The following GLIS3 variants were observed in gnomAD, a reference collection of about 807,000 sequenced individuals.
The protein encoded by GLIS3 is zinc finger protein GLIS3.
GLIS3 carries 53 observed loss-of-function variants against 78.6 expected under a neutral mutation model. The ratio of observed to expected loss-of-function variants is 0.67; its 90% CI spans 0.54 to 0.85. The LOEUF is 0.85. Among genes scored for constraint, GLIS3 ranks in the 40% least tolerant of loss-of-function variants. The pLI, the probability that GLIS3 is intolerant of heterozygous loss-of-function variation, is 0.00. For missense variants in GLIS3, 1,703 were observed against 1,231.1 expected (o/e 1.38, Z -5.74); for synonymous variants, 684 against 509.9 (o/e 1.34, Z -4.60).
chr9:4,042,030 T>A (rs1824854366), intron 4 of GLIS3, among the ~76,000 whole-genome samples: 1 of 152,208 alleles, frequency 6.6e-6, no homozygotes, highest in South Asian at 2.1e-4. Flanking sequence ...TGACAGAACC[T>A]CTCAAGAGAG....
At chr9:4,043,962 G>A (rs375035073) in intron 4 of GLIS3, among the ~76,000 whole-genome samples, 53 of 152,220 alleles carry the variant, frequency 3.5e-4, no homozygotes, top group African/African-American at 1.1e-3. Flanking sequence ...ACCCACAGCC[G>A]GCTGTTGTCA....
intron 6 of GLIS3, among the ~76,000 whole-genome samples, chr9:3,909,490 C>T (rs909470847): frequency 6.6e-6 from 1 of 152,168 alleles, no homozygotes; most frequent in African/African-American, 2.4e-5. Flanking sequence ...TGGAAGGAAT[C>T]TCTTTGGGAA....
At chr9:4,423,334 G>A in the GLIS3 span, among the ~76,000 whole-genome samples, 2 of 152,120 alleles carry the variant, frequency 1.3e-5, no homozygotes, top group Non-Finnish European at 2.9e-5. Flanking sequence ...TTCCCTCTGA[G>A]TTGCATCTTA....
intron 9 of GLIS3, among the ~76,000 whole-genome samples, chr9:3,838,456 G>T (rs1047897752): frequency 6.6e-6 from 1 of 152,062 alleles, no homozygotes; most frequent in African/African-American, 2.4e-5. Flanking sequence ...AAAGTCAGAG[G>T]GTAGAATAAA....
chr9:4,228,104 G>C (rs1423766713), intron 2 of GLIS3, among the ~76,000 whole-genome samples: 3 of 149,618 alleles, frequency 2.0e-5, no homozygotes, highest in Non-Finnish European at 3.0e-5. Context: ...GTTATCAAGT[G>C]ATCAGGGCCT....
the GLIS3 span, among the ~76,000 whole-genome samples, chr9:4,444,544 C>T: frequency 2.0e-5 from 3 of 152,210 alleles, no homozygotes; most frequent in Non-Finnish European, 2.9e-5. Flanking sequence ...ACTTCAAACT[C>T]GCCCACATAT....
intron 2 of GLIS3, among the ~76,000 whole-genome samples, chr9:4,181,021 C>T (rs1817274447): frequency 1.3e-5 from 2 of 152,170 alleles, no homozygotes; most frequent in Admixed American, 6.5e-5. Flanking sequence ...GCAAGGTGTC[C>T]ACCTCAGACA....
intron 2 of GLIS3, among the ~76,000 whole-genome samples, chr9:4,189,273 G>A (rs1586922660): frequency 6.6e-6 from 1 of 152,160 alleles, no homozygotes; most frequent in Non-Finnish European, 1.5e-5. Context: ...TCATTCAGGA[G>A]CAGGTTTGTT....
intron 2 of GLIS3, among the ~76,000 whole-genome samples, chr9:4,203,724 G>A (rs1228191047): frequency 6.6e-6 from 1 of 152,144 alleles, no homozygotes; most frequent in Non-Finnish European, 1.5e-5. Flanking sequence ...CGTCAGTGGT[G>A]GATGGGATAA....
At chr9:4,164,485 C>T (rs954731428) in intron 2 of GLIS3, among the ~76,000 whole-genome samples, 3 of 152,168 alleles carry the variant, frequency 2.0e-5, no homozygotes, top group Admixed American at 6.5e-5. Context: ...GAGAGTAGCA[C>T]GGAGACGACA....
chr9:3,979,457 G>A (rs529421025), intron 4 of GLIS3, among the ~76,000 whole-genome samples: 3 of 152,202 alleles, frequency 2.0e-5, no homozygotes, highest in East Asian at 3.8e-4. Context: ...ACCACAGCCC[G>A]TGTGCCAATG....
the GLIS3 span, among the ~76,000 whole-genome samples, chr9:4,418,837 G>A: frequency 0.52 from 79,048 of 152,106 alleles, 22,913 homozygotes; most frequent in South Asian, 0.69. Flanking sequence ...CAGATGAAGA[G>A]AAAAGTATTG....
chr9:4,429,111 C>A, the GLIS3 span, among the ~76,000 whole-genome samples: 1 of 152,148 alleles, frequency 6.6e-6, no homozygotes, highest in Non-Finnish European at 1.5e-5. Flanking sequence ...CTGGAAGTGG[C>A]AGTTCCATAG....
chr9:4,010,964 T>C (rs1476948878), intron 4 of GLIS3, among the ~76,000 whole-genome samples: 1 of 152,140 alleles, frequency 6.6e-6, no homozygotes, highest in Non-Finnish European at 1.5e-5. Flanking sequence ...GAGTAGAACA[T>C]TTATTTTTAA....
At chr9:3,988,756 T>C (rs897433742) in intron 4 of GLIS3, among the ~76,000 whole-genome samples, 2 of 151,900 alleles carry the variant, frequency 1.3e-5, no homozygotes. Context: ...TATACGAAGA[T>C]GAACTCTAAA....
intron 9 of GLIS3, among the ~76,000 whole-genome samples, chr9:3,834,722 A>C (rs1342332919): frequency 2.0e-5 from 3 of 152,226 alleles, no homozygotes; most frequent in South Asian, 2.1e-4. Context: ...TTTTCCTTGC[A>C]AATTTGCCAC....
At chr9:4,194,084 G>C (rs962253708) in intron 2 of GLIS3, among the ~76,000 whole-genome samples, 4 of 152,170 alleles carry the variant, frequency 2.6e-5, no homozygotes, top group African/African-American at 9.7e-5. Flanking sequence ...TAGAGATGGA[G>C]TCTTGCTCTG....
intron 9 of GLIS3, among the ~76,000 whole-genome samples, chr9:3,840,233 CA>C (rs1307923369): frequency 2.0e-5 from 3 of 152,108 alleles, no homozygotes. Context: ...AACACATAAG[CA>C]GTTCTTAAGT....
At chr9:4,256,068 C>T (rs1824909114) in intron 2 of GLIS3, among the ~76,000 whole-genome samples, 1 of 151,912 alleles carries the variant, frequency 6.6e-6, no homozygotes, top group African/African-American at 2.4e-5. Context: ...ACAAACTTGC[C>T]CAAGCCCTTA....
Sources: gnomAD v4.1 joint callset for allele counts (sites outside exome capture counted in the v4.1 genomes callset) on GRCh38, gnomAD v4.1.1 for gene constraint, MANE v1.5 for transcripts, NCBI Gene and HGNC (gene_info 2026-07-23, HGNC 2026-07-21) for gene names.